The following DPP10 variants were observed in gnomAD, a reference collection of about 807,000 sequenced individuals.
DPP10 encodes dipeptidyl peptidase like 10, also known as inactive dipeptidyl peptidase 10.
Under a neutral mutation model 120.9 loss-of-function variants are expected in DPP10, and 33 were observed. That is an observed-to-expected ratio of 0.27 (90% confidence interval 0.21 to 0.37). The LOEUF is 0.37. Among genes scored for constraint, DPP10 ranks in the 10% least tolerant of loss-of-function variants. The probability of loss-of-function intolerance (pLI) is 1.00; values close to 1 mark genes in which losing one functional copy is unlikely to be tolerated. For missense variants in DPP10, 816 were observed against 942.8 expected (o/e 0.87, Z 1.76); for synonymous variants, 337 against 326.1 (o/e 1.03, Z -0.36).
intron 1 of DPP10, among the ~76,000 whole-genome samples, chr2:114,533,638 A>T (rs183003673): frequency 1.2e-4 from 18 of 152,326 alleles, no homozygotes; most frequent in Non-Finnish European, 1.5e-4. Flanking sequence ...TTAAAAAAAA[A>T]GAAATGATAA....
chr2:115,201,019 A>T (rs567963886), intron 1 of DPP10, among the ~76,000 whole-genome samples: 1 of 152,346 alleles, frequency 6.6e-6, no homozygotes, highest in Admixed American at 6.5e-5. Flanking sequence ...CATAGCAATT[A>T]TCCAGTCCTA....
At chr2:114,954,516 C>T (rs548895060) in intron 1 of DPP10, among the ~76,000 whole-genome samples, 1 of 151,770 alleles carries the variant, frequency 6.6e-6, no homozygotes, top group South Asian at 2.1e-4. Flanking sequence ...AGAAAGATCC[C>T]AAATAAACAA....
At chr2:115,571,523 G>T (rs2081337637) in intron 5 of DPP10, among the ~76,000 whole-genome samples, 1 of 152,120 alleles carries the variant, frequency 6.6e-6, no homozygotes, top group Non-Finnish European at 1.5e-5. Context: ...TAGGGTAATT[G>T]TTGCCAACAT....
intron 1 of DPP10, among the ~76,000 whole-genome samples, chr2:115,170,914 G>A (rs1417149953): frequency 6.6e-6 from 1 of 152,090 alleles, no homozygotes; most frequent in Non-Finnish European, 1.5e-5. Flanking sequence ...TTTGCTCAGC[G>A]TCAGTATCTC....
intron 5 of DPP10, among the ~76,000 whole-genome samples, chr2:115,675,229 T>A (rs576336521): frequency 1.1e-4 from 17 of 152,288 alleles, no homozygotes; most frequent in Non-Finnish European, 2.2e-4. Context: ...CACACATATA[T>A]TTTAATCCAC....
At chr2:115,161,925 G>C (rs953183852) in intron 1 of DPP10, 1 of 1,440,374 alleles carries the variant, frequency 6.9e-7, no homozygotes, top group South Asian at 1.4e-5. Context: ...AAGCGCCCGC[G>C]AGGAAGCGAG....
chr2:115,745,198 G>T (rs367960115), intron 9 of DPP10, among the ~76,000 whole-genome samples: 1 of 149,114 alleles, frequency 6.7e-6, no homozygotes, highest in South Asian at 2.1e-4. Context: ...AACATCCTGG[G>T]TTTAAATACT....
intron 5 of DPP10, among the ~76,000 whole-genome samples, chr2:115,649,019 C>G (rs1225838164): frequency 2.6e-5 from 4 of 152,074 alleles, no homozygotes; most frequent in Non-Finnish European, 5.9e-5. Context: ...GTCCACATTA[C>G]TTTCATTATC....
intron 1 of DPP10, among the ~76,000 whole-genome samples, chr2:114,616,598 C>T (rs967729460): frequency 3.9e-5 from 6 of 152,036 alleles, no homozygotes; most frequent in South Asian, 2.1e-4. Flanking sequence ...CCTTTGCAGA[C>T]GTGGGGACTG....
intron 3 of DPP10, among the ~76,000 whole-genome samples, chr2:115,379,168 A>T (rs1309206751): frequency 2.0e-5 from 3 of 152,204 alleles, no homozygotes; most frequent in Non-Finnish European, 4.4e-5. Context: ...TTCAGCTGTG[A>T]ATCCATCTGG....
At chr2:114,592,815 A>G (rs1691574644) in intron 1 of DPP10, among the ~76,000 whole-genome samples, 1 of 152,114 alleles carries the variant, frequency 6.6e-6, no homozygotes, top group Admixed American at 6.6e-5. Context: ...CTCATCTACT[A>G]CTTTTATGGT....
At chr2:115,206,327 G>A (rs1239311486) in intron 1 of DPP10, among the ~76,000 whole-genome samples, 1 of 152,064 alleles carries the variant, frequency 6.6e-6, no homozygotes, top group Non-Finnish European at 1.5e-5. Flanking sequence ...CCATAAATTA[G>A]CATTTTCTAG....
At chr2:115,483,425 GTCTA>G (rs147660288) in intron 3 of DPP10, among the ~76,000 whole-genome samples, 1 of 147,566 alleles carries the variant, frequency 6.8e-6, no homozygotes, top group African/African-American at 2.5e-5. Context: ...TGCCTGATAT[GTCTA>G]TCTGTCTGTC....
chr2:115,183,011 G>C (rs936111758), intron 1 of DPP10, among the ~76,000 whole-genome samples: 3 of 150,292 alleles, frequency 2.0e-5, no homozygotes, highest in African/African-American at 7.3e-5. Context: ...ATATTTACAC[G>C]CACACACACA....
At chr2:115,049,802 C>A (rs1011204010) in intron 1 of DPP10, among the ~76,000 whole-genome samples, 9 of 152,180 alleles carry the variant, frequency 5.9e-5, no homozygotes, top group African/African-American at 9.6e-5. Flanking sequence ...TTTTCTGACA[C>A]CTTTATCTTT....
intron 5 of DPP10, among the ~76,000 whole-genome samples, chr2:115,603,133 T>C (rs957830098): frequency 6.8e-6 from 1 of 145,990 alleles, no homozygotes; most frequent in Admixed American, 6.8e-5. Flanking sequence ...TGTGTGTGTG[T>C]GTGTGTGTGT....
chr2:115,508,720 T>C (rs1204855785), intron 4 of DPP10, among the ~76,000 whole-genome samples: 2 of 152,092 alleles, frequency 1.3e-5, no homozygotes, highest in Non-Finnish European at 2.9e-5. Context: ...CTGGCCAACA[T>C]GGCGAAACCC....
intron 17 of DPP10, 94 bp downstream of exon 17, chr2:115,782,493 T>C (rs1391475086): frequency 3.2e-6 from 4 of 1,244,384 alleles, no homozygotes; most frequent in Non-Finnish European, 4.6e-6. Context: ...CTATAAATTC[T>C]TCTTCAAAAA....
chr2:115,671,659 A>G (rs1401044511), intron 5 of DPP10, among the ~76,000 whole-genome samples: 1 of 152,166 alleles, frequency 6.6e-6, no homozygotes, highest in African/African-American at 2.4e-5. Context: ...CTTGCATTCT[A>G]TTAGACAGCA....
Sources: gnomAD v4.1 joint callset for allele counts (sites outside exome capture counted in the v4.1 genomes callset) on GRCh38, gnomAD v4.1.1 for gene constraint, MANE v1.5 for transcripts, NCBI Gene and HGNC (gene_info 2026-07-23, HGNC 2026-07-21) for gene names.